SESTD1: variants seen among roughly 807,000 people sequenced by gnomAD.
The protein encoded by SESTD1 is SEC14 domain and spectrin repeat-containing protein 1.
In SESTD1, 43 loss-of-function variants were observed where a neutral mutation model predicts 101.7. The ratio of observed to expected loss-of-function variants is 0.42; its 90% CI spans 0.33 to 0.55. The LOEUF (loss-of-function observed/expected upper bound fraction) is 0.55. SESTD1 is among the 20% of genes least tolerant of loss of function. The pLI, the probability that SESTD1 is intolerant of heterozygous loss-of-function variation, is 0.07. For synonymous variants in SESTD1, 283 were observed against 286.8 expected, an observed-to-expected ratio of 0.99 and a Z score of 0.13; for missense variants, 647 against 815.1, an observed-to-expected ratio of 0.79 and a Z score of 2.51.
At chr2:179,126,826 C>G (rs555069673) in intron 10 of SESTD1, among the ~76,000 whole-genome samples, 23 of 152,196 alleles carry the variant, frequency 1.5e-4, no homozygotes, top group African/African-American at 5.5e-4. Flanking sequence ...GTCCTCCCTG[C>G]CTTAGTAGCT....
chr2:179,234,224 G>C (rs983852953), intron 1 of SESTD1, among the ~76,000 whole-genome samples: 8 of 152,102 alleles, frequency 5.3e-5, no homozygotes, highest in Admixed American at 2.6e-4. Flanking sequence ...CTTCAAACTA[G>C]AACATCGGCT....
At chr2:179,196,687 A>AG (rs1020688018) in intron 1 of SESTD1, among the ~76,000 whole-genome samples, 61 of 152,214 alleles carry the variant, frequency 4.0e-4, no homozygotes, top group African/African-American at 1.3e-3. Flanking sequence ...GGCACCCCCC[A>AG]GAAGGGGCAG....
At chr2:179,175,887 T>C (rs895538453) in intron 4 of SESTD1, among the ~76,000 whole-genome samples, 1 of 152,222 alleles carries the variant, frequency 6.6e-6, no homozygotes, top group Non-Finnish European at 1.5e-5. Context: ...AGATGTTTAT[T>C]AAATGTTAAT....
At chr2:179,117,154 T>C (rs937560949) in intron 14 of SESTD1, among the ~76,000 whole-genome samples, 2 of 152,232 alleles carry the variant, frequency 1.3e-5, no homozygotes, top group African/African-American at 4.8e-5. Flanking sequence ...TCTCTGATGA[T>C]AACGACAAAA....
chr2:179,202,213 T>C (rs999072399), intron 1 of SESTD1, among the ~76,000 whole-genome samples: 3 of 133,578 alleles, frequency 2.2e-5, no homozygotes, highest in Non-Finnish European at 4.8e-5. Flanking sequence ...GTAACGTTTA[T>C]TTTTAAAACT....
rs115763755 is a variant in SESTD1 at position 179,231,463 on chromosome 2, G to T, written c.-26+33036C>A. On this transcript the variant is annotated intron_variant, in intron 1 of 17. Transcript: ENST00000428443. Reference sequence around the variant, plus strand: ...AAAGAAATGAGGACATTTAAAAAAGGCATAAACATACAAGTAGCTGCTACA... The same window carrying T: ...AAAGAAATGAGGACATTTAAAAAAGTCATAAACATACAAGTAGCTGCTACA... Among the ~76,000 whole-genome samples, 1,135 of 151,028 alleles carry T rather than the reference G, an allele frequency of 7.5e-3. 15 individuals are homozygous for T. Among genetic ancestry groups the T allele is most frequent in the African/African-American group, 0.026 (1,052 of 41,218 alleles).
intron 1 of SESTD1, among the ~76,000 whole-genome samples, chr2:179,198,418 T>C (rs2046441345): frequency 6.6e-6 from 1 of 152,110 alleles, no homozygotes; most frequent in Admixed American, 6.5e-5. Flanking sequence ...CCAACAAGGA[T>C]ACCCAGGAAT....
At chr2:179,140,569 T>G (rs1440000897) in intron 9 of SESTD1, among the ~76,000 whole-genome samples, 1 of 152,234 alleles carries the variant, frequency 6.6e-6, no homozygotes, top group Non-Finnish European at 1.5e-5. Context: ...ACTTAGTCTG[T>G]TTGCTACGGC....
At chr2:179,263,427 A>G (rs1415635936) in intron 1 of SESTD1, among the ~76,000 whole-genome samples, 2 of 152,194 alleles carry the variant, frequency 1.3e-5, no homozygotes, top group African/African-American at 4.8e-5. Flanking sequence ...CAAAACAGAA[A>G]AAGTATATAG....
At position 179,117,528 on chromosome 2, in the gene SESTD1, T is replaced by C; in HGVS notation, c.1524+4A>G. 1 of 1,568,704 alleles carries C rather than the reference T, an allele frequency of 6.4e-7. No individual in the cohort carries two copies. Among genetic ancestry groups the C allele is most frequent in the East Asian group, 2.4e-5 (1 of 41,410 alleles). The stretch of plus-strand genomic sequence containing the variant: ...ACTACATAATGTAGCTGACTGCTCC[T>C]TACCTGGGCAGCATCTTCTTCACAT... On this transcript the variant is annotated splice_donor_region_variant and intron_variant, in intron 14 of 17. Coordinates refer to ENST00000428443, the MANE Select transcript of SESTD1 (RefSeq NM_178123.5).
chr2:179,221,441 C>T (rs933402135), intron 1 of SESTD1, among the ~76,000 whole-genome samples: 8 of 151,822 alleles, frequency 5.3e-5, no homozygotes, highest in African/African-American at 1.9e-4. Context: ...AGTGAAACCC[C>T]ATCTCTACTA....
At chr2:179,133,677 A>G (rs1259498322) in intron 9 of SESTD1, among the ~76,000 whole-genome samples, 1 of 152,250 alleles carries the variant, frequency 6.6e-6, no homozygotes, top group Non-Finnish European at 1.5e-5. Flanking sequence ...ATAATATTAT[A>G]GACCCAGTGG....
intron 9 of SESTD1, among the ~76,000 whole-genome samples, chr2:179,142,611 A>G (rs901339290): frequency 6.6e-5 from 10 of 152,206 alleles, no homozygotes; most frequent in South Asian, 4.1e-4. Context: ...TTGGGATTCT[A>G]CGCTGCTATG....
At chr2:179,227,285 C>A (rs564885108) in intron 1 of SESTD1, among the ~76,000 whole-genome samples, 1 of 152,210 alleles carries the variant, frequency 6.6e-6, no homozygotes, top group East Asian at 1.9e-4. Context: ...ACTATTACCC[C>A]CCACCTCACT....
At chr2:179,115,459 G>GT (rs1316745623) in intron 15 of SESTD1, among the ~76,000 whole-genome samples, 1 of 152,086 alleles carries the variant, frequency 6.6e-6, no homozygotes, top group African/African-American at 2.4e-5. Flanking sequence ...TTTATAATAA[G>GT]TTTCATGGCC....
At chr2:179,135,615 G>A (rs1354868092) in intron 9 of SESTD1, among the ~76,000 whole-genome samples, 9 of 152,024 alleles carry the variant, frequency 5.9e-5, no homozygotes, top group Admixed American at 5.2e-4. Flanking sequence ...TTAGCCAGGC[G>A]TGGTATGCAC....
rs71023474 is a variant in SESTD1, at chr2:179,230,113, C to CTTTT, written c.-26+34382_-26+34385dup. On this transcript the variant is annotated intron_variant, in intron 1 of 17. Coordinates refer to ENST00000428443, the MANE Select transcript of SESTD1 (RefSeq NM_178123.5). ...AAATATTCCAAACTGGATTGTATCT[C>CTTTT]TTTTTTTTTTTTTTTTTTTTTTTTT... is the stretch of plus-strand genomic sequence containing the variant. 2.0e-3 allele frequency among the ~76,000 whole-genome samples: 112 copies of CTTTT among 56,420 alleles called. 38 individuals carry two copies. The highest frequency in any genetic ancestry group is 5.3e-3 in the East Asian group (6 of 1,140). 37.0% of individuals were successfully genotyped at this position (56,420 alleles called of 152,430 possible). A position where few individuals can be genotyped will look rare whatever the true frequency, so the allele number is the denominator to read the frequency against.
chr2:179,204,184 G>A (rs2046561023), intron 1 of SESTD1, among the ~76,000 whole-genome samples: 1 of 134,866 alleles, frequency 7.4e-6, no homozygotes, highest in Non-Finnish European at 1.6e-5. Context: ...AGGAATGCAA[G>A]TCCTTTTAAT....
chr2:179,250,188 T>A (rs2047295181), intron 1 of SESTD1, among the ~76,000 whole-genome samples: 1 of 150,506 alleles, frequency 6.6e-6, no homozygotes, highest in African/African-American at 2.4e-5. Context: ...AAAAAAAAAA[T>A]CCAAATAGAA....
Sources: gnomAD v4.1 joint callset for allele counts (sites outside exome capture counted in the v4.1 genomes callset) on GRCh38, gnomAD v4.1.1 for gene constraint, MANE v1.5 for transcripts, NCBI Gene and HGNC (gene_info 2026-07-23, HGNC 2026-07-21) for gene names.